STARD13: variants seen among roughly 807,000 people sequenced by gnomAD.
STARD13 encodes the protein StAR related lipid transfer domain containing 13.
Under a neutral mutation model 106.4 loss-of-function variants are expected in STARD13, and 62 were observed. That is an observed-to-expected ratio of 0.58 (90% confidence interval 0.48 to 0.72). STARD13 has a LOEUF of 0.72. Ranked by LOEUF, STARD13 falls within the 30% of genes least tolerant of loss-of-function variation. The pLI, the probability that STARD13 is intolerant of heterozygous loss-of-function variation, is 0.00. For synonymous variants in STARD13, 565 were observed against 553.0 expected, an observed-to-expected ratio of 1.02 and a Z score of -0.31; for missense variants, 1,387 against 1,424.0, an observed-to-expected ratio of 0.97 and a Z score of 0.42.
At chr13:33,534,482 G>T in the STARD13 span, among the ~76,000 whole-genome samples, 1 of 152,110 alleles carries the variant, frequency 6.6e-6, no homozygotes, top group Admixed American at 6.5e-5. Context: ...GTAGACATTG[G>T]ATTTCAACAT....
the STARD13 span, among the ~76,000 whole-genome samples, chr13:33,512,618 C>A: frequency 6.6e-6 from 1 of 152,090 alleles, no homozygotes; most frequent in African/African-American, 2.4e-5. Context: ...TAGGTGCCCG[C>A]CATCACGCCT....
chr13:33,204,344 C>T (rs1317021603), intron 1 of STARD13, among the ~76,000 whole-genome samples: 1 of 152,200 alleles, frequency 6.6e-6, no homozygotes, highest in Non-Finnish European at 1.5e-5. Context: ...TCAATGACTA[C>T]ATAGGTTGCA....
chr13:33,437,887 A>G, the STARD13 span, among the ~76,000 whole-genome samples: 1 of 152,170 alleles, frequency 6.6e-6, no homozygotes, highest in African/African-American at 2.4e-5. Flanking sequence ...CTGCCAAATG[A>G]AGCCCTGAAT....
At chr13:33,602,950 G>A in the STARD13 span, among the ~76,000 whole-genome samples, 1 of 152,138 alleles carries the variant, frequency 6.6e-6, no homozygotes, top group Non-Finnish European at 1.5e-5. Context: ...AAAAGGTTAG[G>A]GACCACTGCC....
chr13:33,241,589 G>A (rs945575178), intron 1 of STARD13, among the ~76,000 whole-genome samples: 4 of 115,838 alleles, frequency 3.5e-5, no homozygotes, highest in African/African-American at 3.3e-5. Context: ...CTCTGATGCC[G>A]AGCCGAGGCT....
the STARD13 span, among the ~76,000 whole-genome samples, chr13:33,663,673 G>GT: frequency 2.0e-5 from 3 of 152,154 alleles, no homozygotes; most frequent in Non-Finnish European, 4.4e-5. Context: ...TTTTACTTGT[G>GT]TTTTACTGTT....
At chr13:33,576,796 C>T in the STARD13 span, among the ~76,000 whole-genome samples, 1 of 152,026 alleles carries the variant, frequency 6.6e-6, no homozygotes, top group Non-Finnish European at 1.5e-5. Context: ...ATTTTAAAAC[C>T]ATATAATAAG....
the STARD13 span, among the ~76,000 whole-genome samples, chr13:33,508,573 C>A: frequency 6.6e-6 from 1 of 152,172 alleles, no homozygotes; most frequent in Non-Finnish European, 1.5e-5. Flanking sequence ...CTAACCAATA[C>A]AGTATTTGAT....
chr13:33,615,450 T>A, the STARD13 span, among the ~76,000 whole-genome samples: 1 of 152,232 alleles, frequency 6.6e-6, no homozygotes, highest in Admixed American at 6.5e-5. Context: ...TACTATGTGC[T>A]TGGCACCACT....
intron 1 of STARD13, among the ~76,000 whole-genome samples, chr13:33,311,076 T>C (rs1351989232): frequency 6.6e-6 from 1 of 151,346 alleles, no homozygotes; most frequent in African/African-American, 2.4e-5. Context: ...GCAGGATCAC[T>C]TAAGCCCAGA....
chr13:33,202,704 G>T (rs1382577868), intron 1 of STARD13, among the ~76,000 whole-genome samples: 6 of 152,182 alleles, frequency 3.9e-5, no homozygotes, highest in Non-Finnish European at 7.3e-5. Context: ...GGTAGCTTTG[G>T]AGGAGGAGGA....
intron 1 of STARD13, among the ~76,000 whole-genome samples, chr13:33,331,239 ACTTC>A (rs1313777125): frequency 6.6e-6 from 1 of 151,856 alleles, no homozygotes; most frequent in East Asian, 1.9e-4. Flanking sequence ...TGTGCTCTGT[ACTTC>A]CTTCTCCTTC....
chr13:33,534,836 A>G, the STARD13 span, among the ~76,000 whole-genome samples: 2 of 152,350 alleles, frequency 1.3e-5, no homozygotes, highest in South Asian at 4.1e-4. Context: ...CAAATGAAAC[A>G]CTAACCCCAA....
chr13:33,252,761 A>C (rs925328951), intron 1 of STARD13, among the ~76,000 whole-genome samples: 2 of 152,240 alleles, frequency 1.3e-5, no homozygotes, highest in African/African-American at 4.8e-5. Flanking sequence ...CAAGATTTGT[A>C]TCTGAAAGTA....
chr13:33,676,101 T>C, the STARD13 span, among the ~76,000 whole-genome samples: 4 of 152,210 alleles, frequency 2.6e-5, no homozygotes, highest in Non-Finnish European at 4.4e-5. Context: ...CAATTTAATT[T>C]GCCGCAATCA....
chr13:33,619,944 C>T, the STARD13 span, among the ~76,000 whole-genome samples: 219 of 152,076 alleles, frequency 1.4e-3, 1 homozygote, highest in Non-Finnish European at 2.7e-3. Context: ...CACAGCTCAC[C>T]TACCCAAGAG....
At chr13:33,499,156 C>T in the STARD13 span, among the ~76,000 whole-genome samples, 1 of 151,896 alleles carries the variant, frequency 6.6e-6, no homozygotes, top group Non-Finnish European at 1.5e-5. Context: ...AACAAACAAA[C>T]AAAAACAAAA....
chr13:33,641,824 C>CA, the STARD13 span, among the ~76,000 whole-genome samples: 3 of 152,018 alleles, frequency 2.0e-5, no homozygotes, highest in Non-Finnish European at 4.4e-5. Flanking sequence ...CTTTTGGTAG[C>CA]AAAAGTTTTT....
chr13:33,433,106 G>C, the STARD13 span, among the ~76,000 whole-genome samples: 1 of 152,158 alleles, frequency 6.6e-6, no homozygotes, highest in East Asian at 1.9e-4. Context: ...AAATGGCTTT[G>C]AACAACAAAA....
Sources: gnomAD v4.1 joint callset for allele counts (sites outside exome capture counted in the v4.1 genomes callset) on GRCh38, gnomAD v4.1.1 for gene constraint, MANE v1.5 for transcripts, NCBI Gene and HGNC (gene_info 2026-07-23, HGNC 2026-07-21) for gene names.